Variants in PPARGC1A observed in about 807,000 individuals in gnomAD.
PPARGC1A encodes the protein PPARG coactivator 1 alpha.
PPARGC1A carries 25 observed loss-of-function variants against 88.7 expected under a neutral mutation model. The observed-to-expected ratio is 0.28, with a 90% CI of 0.21 to 0.39. The LOEUF is 0.39. PPARGC1A is among the 10% of genes least tolerant of loss of function. The probability of loss-of-function intolerance (pLI) is 1.00; values close to 1 mark genes in which losing one functional copy is unlikely to be tolerated. For synonymous variants in PPARGC1A, 363 were observed against 355.6 expected (o/e 1.02, Z -0.24); for missense variants, 880 against 968.7 (o/e 0.91, Z 1.22).
the PPARGC1A span, among the ~76,000 whole-genome samples, chr4:24,154,288 G>C: frequency 6.6e-6 from 1 of 152,158 alleles, no homozygotes; most frequent in Non-Finnish European, 1.5e-5. Context: ...GCCCCTGTTG[G>C]ACAGCAGCTG....
At chr4:23,906,607 CAAAAAAA>C (rs35171233), upstream of PPARGC1A, among the ~76,000 whole-genome samples, 3 of 63,736 alleles carry the variant, frequency 4.7e-5, no homozygotes, top group East Asian at 1.0e-3. Flanking sequence ...CTCTGTCTCA[CAAAAAAA>C]AAAAAAAAAA....
the PPARGC1A span, among the ~76,000 whole-genome samples, chr4:24,060,138 G>GCAC: frequency 6.6e-6 from 1 of 152,148 alleles, no homozygotes. Context: ...CTGAAGATGT[G>GCAC]AATAAAGATT....
At chr4:24,079,990 T>C in the PPARGC1A span, among the ~76,000 whole-genome samples, 72 of 152,188 alleles carry the variant, frequency 4.7e-4, no homozygotes, top group African/African-American at 1.7e-3. Flanking sequence ...AAGCCTGCTT[T>C]ACTGCTCTTC....
At chr4:24,144,404 A>G in the PPARGC1A span, among the ~76,000 whole-genome samples, 1 of 152,078 alleles carries the variant, frequency 6.6e-6, no homozygotes. Context: ...AATTAGGGAA[A>G]TGCCTGCTTG....
At chr4:24,455,204 G>A in the PPARGC1A span, among the ~76,000 whole-genome samples, 3 of 152,320 alleles carry the variant, frequency 2.0e-5, no homozygotes, top group Middle Eastern at 3.4e-3. Context: ...GAATGGGGCC[G>A]GGGCAGTGGC....
chr4:23,990,205 ATATAT>A, the PPARGC1A span, among the ~76,000 whole-genome samples: 4 of 149,032 alleles, frequency 2.7e-5, no homozygotes, highest in African/African-American at 4.9e-5. Flanking sequence ...AGGTCACATC[ATATAT>A]TATATATATG....
At chr4:24,068,329 G>A in the PPARGC1A span, among the ~76,000 whole-genome samples, 2 of 152,186 alleles carry the variant, frequency 1.3e-5, no homozygotes, top group South Asian at 2.1e-4. Flanking sequence ...CTGTCAGAGA[G>A]AACAGTATCT....
the PPARGC1A span, among the ~76,000 whole-genome samples, chr4:24,438,256 G>A: frequency 4.1e-4 from 63 of 152,274 alleles, no homozygotes; most frequent in African/African-American, 1.5e-3. Context: ...GAATTGCTGG[G>A]GTAATAAAAG....
chr4:24,128,670 A>G, the PPARGC1A span, among the ~76,000 whole-genome samples: 4 of 152,034 alleles, frequency 2.6e-5, no homozygotes, highest in Admixed American at 2.0e-4. Context: ...TTCTACCTTT[A>G]TTTCTTAAAA....
At chr4:24,087,434 C>T in the PPARGC1A span, among the ~76,000 whole-genome samples, 1 of 152,146 alleles carries the variant, frequency 6.6e-6, no homozygotes. Context: ...TTCAAAATGG[C>T]CACAGTGTGG....
chr4:23,886,686 A>C (rs899040280), intron 1 of PPARGC1A, among the ~76,000 whole-genome samples: 5 of 152,132 alleles, frequency 3.3e-5, no homozygotes, highest in African/African-American at 1.2e-4. Context: ...TACAATGCTC[A>C]TATTTGGTTG....
chr4:24,008,016 A>C, the PPARGC1A span, among the ~76,000 whole-genome samples: 1 of 152,182 alleles, frequency 6.6e-6, no homozygotes, highest in Admixed American at 6.5e-5. Flanking sequence ...CCAGAGAATG[A>C]GGTCAGAATA....
At chr4:24,315,904 C>A in the PPARGC1A span, among the ~76,000 whole-genome samples, 9 of 152,196 alleles carry the variant, frequency 5.9e-5, no homozygotes. Flanking sequence ...TGGGACAGAT[C>A]TAAAGGTTCT....
the PPARGC1A span, among the ~76,000 whole-genome samples, chr4:24,106,507 C>T: frequency 1.3e-5 from 2 of 152,196 alleles, no homozygotes; most frequent in African/African-American, 2.4e-5. Context: ...TTTCAAGAAT[C>T]GTCCCTAGTT....
chr4:24,443,819 G>T, the PPARGC1A span, among the ~76,000 whole-genome samples: 4,024 of 151,418 alleles, frequency 0.027, 120 homozygotes, highest in Admixed American at 0.082. Flanking sequence ...CTCCCAAAGT[G>T]CTGGGGTTAC....
the PPARGC1A span, among the ~76,000 whole-genome samples, chr4:24,113,937 A>C: frequency 6.6e-6 from 1 of 152,080 alleles, no homozygotes; most frequent in Admixed American, 6.5e-5. Flanking sequence ...CACCCTGGCC[A>C]ATATGGCAAA....
At chr4:24,104,471 G>A in the PPARGC1A span, among the ~76,000 whole-genome samples, 3 of 152,140 alleles carry the variant, frequency 2.0e-5, no homozygotes, top group African/African-American at 7.2e-5. Flanking sequence ...ACAAATACGT[G>A]TTATTTGTGA....
the PPARGC1A span, among the ~76,000 whole-genome samples, chr4:24,338,331 G>T: frequency 4.6e-5 from 7 of 152,098 alleles, no homozygotes; most frequent in African/African-American, 1.7e-4. Context: ...AAGAAGAAAG[G>T]AAAAGAAGTA....
chr4:24,364,765 A>G, the PPARGC1A span, among the ~76,000 whole-genome samples: 1 of 152,194 alleles, frequency 6.6e-6, no homozygotes, highest in East Asian at 1.9e-4. Context: ...ACCCATATAT[A>G]TGTATGCATT....
Sources: allele counts gnomAD v4.1 joint callset (sites outside exome capture counted in the v4.1 genomes callset), GRCh38; gene constraint gnomAD v4.1.1; transcripts MANE v1.5; gene names NCBI Gene and HGNC (gene_info 2026-07-23, HGNC 2026-07-21).